Variants in MAML2 observed in about 807,000 individuals in gnomAD.
MAML2 encodes the protein mastermind like transcriptional coactivator 2, also known as mastermind-like protein 2.
In MAML2, 22 loss-of-function variants were observed where a neutral mutation model predicts 96.1. The observed-to-expected ratio is 0.23, with a 90% confidence interval of 0.16 to 0.33. The LOEUF (loss-of-function observed/expected upper bound fraction) is 0.33, where lower values mean the gene tolerates loss of function less well. MAML2 is among the 10% of genes least tolerant of loss of function. MAML2 has a pLI of 1.00. For synonymous variants in MAML2, 561 were observed against 521.3 expected (o/e 1.08, Z -1.04); for missense variants, 1,367 against 1,392.4 (o/e 0.98, Z 0.29).
chr11:96,161,920 T>C (rs1459022002), intron 1 of MAML2, among the ~76,000 whole-genome samples: 1 of 152,210 alleles, frequency 6.6e-6, no homozygotes, highest in Non-Finnish European at 1.5e-5. Context: ...TACAACAGGT[T>C]GGTGCCAGTA....
chr11:96,278,409 A>G (rs1863019240), intron 1 of MAML2, among the ~76,000 whole-genome samples: 1 of 152,164 alleles, frequency 6.6e-6, no homozygotes, highest in African/African-American at 2.4e-5. Flanking sequence ...CCCTAAGCCT[A>G]TCAGAACTGG....
intron 1 of MAML2, among the ~76,000 whole-genome samples, chr11:96,130,703 TG>T (rs1389889491): frequency 6.6e-6 from 1 of 152,066 alleles, no homozygotes; most frequent in East Asian, 1.9e-4. Context: ...TTCCTACAAA[TG>T]GTCCTTCAGT....
intron 1 of MAML2, among the ~76,000 whole-genome samples, chr11:96,187,302 C>T (rs1861589669): frequency 1.3e-5 from 2 of 152,204 alleles, no homozygotes; most frequent in Non-Finnish European, 2.9e-5. Flanking sequence ...TTCAAATTAA[C>T]TCATTACCTA....
chr11:96,007,502 G>T (rs966050931), intron 2 of MAML2, among the ~76,000 whole-genome samples: 3 of 151,996 alleles, frequency 2.0e-5, no homozygotes, highest in African/African-American at 7.2e-5. Flanking sequence ...ACTATATCTT[G>T]CATTATCTGC....
At chr11:95,983,669 A>C (rs755553178) in intron 4 of MAML2, among the ~76,000 whole-genome samples, 1 of 152,210 alleles carries the variant, frequency 6.6e-6, no homozygotes, top group Non-Finnish European at 1.5e-5. Context: ...ACTGTACCCC[A>C]TATATATGAA....
At chr11:96,002,806 TGATGATGGGGATGATGAGGAG>T (rs1271228012) in intron 2 of MAML2, among the ~76,000 whole-genome samples, 43 of 120,336 alleles carry the variant, frequency 3.6e-4, no homozygotes, top group South Asian at 8.1e-4. Flanking sequence ...ATGATGAAGA[TGATGATGGGGATGATGAGGAG>T]GATGATGGGG....
intron 1 of MAML2, among the ~76,000 whole-genome samples, chr11:96,290,856 T>C (rs11021519): frequency 5.3e-5 from 8 of 152,266 alleles, no homozygotes; most frequent in Admixed American, 3.9e-4. Context: ...AAGGTCACTC[T>C]GTATATAATG....
chr11:96,156,562 A>G (rs1464225867), intron 1 of MAML2, among the ~76,000 whole-genome samples: 4 of 152,164 alleles, frequency 2.6e-5, no homozygotes, highest in Admixed American at 2.0e-4. Flanking sequence ...TCATGCTTCC[A>G]TCCTTGACAG....
chr11:96,156,937 G>T, intron 1 of MAML2, among the ~76,000 whole-genome samples: 1 of 152,132 alleles, frequency 6.6e-6, no homozygotes, highest in South Asian at 2.1e-4. Flanking sequence ...CACTTGCAGG[G>T]GTGGTGGACT....
chr11:96,066,636 A>C (rs1859249807), intron 2 of MAML2, among the ~76,000 whole-genome samples: 1 of 149,424 alleles, frequency 6.7e-6, no homozygotes, highest in South Asian at 2.1e-4. Flanking sequence ...TAGGATGAAA[A>C]GTCTTTTATT....
At chr11:96,166,179 A>T (rs5793782) in intron 1 of MAML2, among the ~76,000 whole-genome samples, 13,568 of 50,802 alleles carry the variant, frequency 0.27, 786 homozygotes, top group East Asian at 0.46. Flanking sequence ...TCTCTCTCTC[A>T]CACACACACA....
At chr11:96,007,905 C>A (rs150897513) in intron 2 of MAML2, among the ~76,000 whole-genome samples, 21,085 of 139,376 alleles carry the variant, frequency 0.15, 2,112 homozygotes, top group East Asian at 0.34. Flanking sequence ...AGGGGTAGCA[C>A]TGGGAGATAT....
chr11:96,334,616 T>A (rs1863893516), intron 1 of MAML2, among the ~76,000 whole-genome samples: 1 of 152,174 alleles, frequency 6.6e-6, no homozygotes. Flanking sequence ...ACACTGTAAA[T>A]TCAAAGAGGG....
intron 1 of MAML2, among the ~76,000 whole-genome samples, chr11:96,162,533 G>C (rs1207870333): frequency 1.3e-5 from 2 of 151,772 alleles, no homozygotes; most frequent in Non-Finnish European, 2.9e-5. Flanking sequence ...GACCCACGTG[G>C]AGAAACCCTG....
intron 1 of MAML2, among the ~76,000 whole-genome samples, chr11:96,183,955 C>G (rs1329669707): frequency 6.6e-6 from 1 of 152,210 alleles, no homozygotes; most frequent in East Asian, 1.9e-4. Flanking sequence ...AGAAATAAAT[C>G]TGCAGGTTTG....
chr11:96,258,702 T>C (rs912411608), intron 1 of MAML2, among the ~76,000 whole-genome samples: 2 of 152,196 alleles, frequency 1.3e-5, no homozygotes, highest in Admixed American at 6.5e-5. Context: ...TTCCAGCCAC[T>C]ATCAGCAGAT....
chr11:96,027,554 C>G (rs1277750894), intron 2 of MAML2, among the ~76,000 whole-genome samples: 1 of 151,996 alleles, frequency 6.6e-6, no homozygotes, highest in East Asian at 1.9e-4. Flanking sequence ...GAGGTAAGGA[C>G]TAGGTGCAGT....
chr11:96,311,050 C>T (rs186039490), intron 1 of MAML2, among the ~76,000 whole-genome samples: 70 of 152,288 alleles, frequency 4.6e-4, no homozygotes, highest in African/African-American at 1.6e-3. Flanking sequence ...CACAATAGCT[C>T]TTTATTAGTT....
intron 1 of MAML2, among the ~76,000 whole-genome samples, chr11:96,281,389 C>G (rs1406376072): frequency 1.3e-5 from 2 of 151,948 alleles, no homozygotes; most frequent in Non-Finnish European, 1.5e-5. Context: ...TGTTGGGGTC[C>G]AGGTCTGCTC....
Sources: allele counts gnomAD v4.1 joint callset (sites outside exome capture counted in the v4.1 genomes callset), GRCh38; gene constraint gnomAD v4.1.1; transcripts MANE v1.5; gene names NCBI Gene and HGNC (gene_info 2026-07-23, HGNC 2026-07-21).